Variants in UNKL observed in about 807,000 individuals in gnomAD.
UNKL encodes the protein putative E3 ubiquitin-protein ligase UNKL.
In UNKL, 60 loss-of-function variants were observed where a neutral mutation model predicts 78.0. The ratio of observed to expected loss-of-function variants is 0.77; its 90% CI spans 0.63 to 0.95. UNKL has a LOEUF of 0.95. UNKL is among the 40% of genes least tolerant of loss of function. UNKL has a pLI of 0.00. For missense variants in UNKL, 1,159 were observed against 1,045.7 expected, an observed-to-expected ratio of 1.11 and a Z score of -1.49; for synonymous variants, 608 against 474.8, an observed-to-expected ratio of 1.28 and a Z score of -3.65.
chr16:1,397,175 T>C lies in UNKL; in HGVS notation c.852+3A>G, dbSNP rs2037303153. 2.6e-6 allele frequency: 4 copies of C among 1,547,262 alleles called. No homozygotes were observed. The highest frequency in any genetic ancestry group is 2.7e-5 in the African/African-American group (2 of 73,032). ...CTACGCCTGGGGGGTTGGAGGGACG[T>C]ACCTCGGGATGGAACTGCTGCTCCG... On this transcript the variant is annotated splice_donor_region_variant and intron_variant, in intron 6 of 14. Coordinates refer to ENST00000389221, the MANE Select transcript of UNKL (RefSeq NM_001372107.1).
In UNKL at chr16:1,367,822, A is replaced by G. The variant is rs574018450; in HGVS notation, c.1622T>C (p.Val541Ala). 12 of 1,575,138 alleles carry G rather than the reference A, an allele frequency of 7.6e-6. No individual in the cohort carries two copies. The highest frequency in any genetic ancestry group is 5.5e-5 in the Admixed American group (3 of 54,426). Residue 541 changes from valine to alanine, a missense_variant, in exon 13 of 15, where the codon GTT (valine) becomes GCT (alanine). Val to Ala is a moderately conservative substitution (Grantham distance 64). Coordinates refer to ENST00000389221, the MANE Select transcript of UNKL (RefSeq NM_001372107.1). ...GGGGCTGGGGGAGAAGCTGCCGGAA[A>G]CAAAGTCCCAGATGCTCCCGGGGAC... ...NGVPGSIWDF[V>A]SGSFSPSPSP... is the part of the protein sequence containing the mutation.
intron 10 of UNKL, among the ~76,000 whole-genome samples, chr16:1,381,530 G>A (rs1253668626): frequency 6.6e-6 from 1 of 152,190 alleles, no homozygotes; most frequent in Non-Finnish European, 1.5e-5. Context: ...TGAGGAGGGA[G>A]AATCGCTTGA....
At chr16:1,414,374 G>A (rs866478286) in intron 1 of UNKL, among the ~76,000 whole-genome samples, 7 of 152,088 alleles carry the variant, frequency 4.6e-5, no homozygotes, top group Non-Finnish European at 5.9e-5. Flanking sequence ...CCCCAACCCC[G>A]GGGCGTTCCT....
Position 1,367,180 on chromosome 16 carries a change from C to T in UNKL, c.1958G>A (p.Arg653Gln), listed in dbSNP as rs35080336. Residue 653 changes from arginine (R) to glutamine (Q), a missense_variant, in exon 14 of 15, where the codon CGG (arginine) becomes CAG (glutamine). By Grantham distance (43) the Arg-to-Gln change is conservative. Transcript: ENST00000389221. ...AATGGTGCCGATGTCCCCACAGCCC[C>T]GCAGCCCCGGCAGTGTGGAGGCTAC... is the stretch of plus-strand genomic sequence containing the variant. ...LGVASTLPGL[R>Q]GCGDIGTIPL... 87 of 1,605,840 alleles carry T rather than the reference C, an allele frequency of 5.4e-5. No individual in the cohort carries two copies. The highest frequency in any genetic ancestry group is 6.8e-5 in the Non-Finnish European group (80 of 1,178,140).
rs1426140147 is a variant in UNKL, at chr16:1,414,649, A to G, written c.43T>C (p.Ser15Pro). 1.8e-6 allele frequency: 2 copies of G among 1,134,318 alleles called. No homozygotes were observed. The highest frequency in any genetic ancestry group is 2.4e-5 in the South Asian group (1 of 42,058). 70.3% of individuals were successfully genotyped at this position (1,134,318 alleles called of 1,614,324 possible). ...GTCGGCTTCTCAGTCTGCGGGGGGGACCCGCTCAGCGCCGCTGCCGCCGCT... is the reference window on the plus strand; with the variant it reads ...GTCGGCTTCTCAGTCTGCGGGGGGGGCCCGCTCAGCGCCGCTGCCGCCGCT... ...SKAAAAALSG[S>P]PPQTEKPTHY... Residue 15 changes from serine (S) to proline (P), a missense_variant, in exon 1 of 15, where the codon TCC (serine) becomes CCC (proline). Ser to Pro is a moderately conservative substitution (Grantham distance 74). Transcript: ENST00000389221.
rs112578064 is a variant in UNKL, at chr16:1,367,772, G to T, written c.1672C>A (p.Pro558Thr). 1 of 1,573,408 alleles carries T rather than the reference G, an allele frequency of 6.4e-7. No homozygotes were observed. ...SPSPILSAGP[P>T]SSSSASPNGA... is the part of the protein sequence containing the mutation. ...TTTGGACTTGCACTCGAAGAGGATG[G>T]GGGGCCGGCACTCAGGATGGGGGAG... The change falls in exon 13 of 15, where the codon CCA becomes ACA. Residue 558 changes from proline to threonine, a missense_variant. By Grantham distance (38) the Pro-to-Thr change is conservative (BLOSUM62 -1). Coordinates refer to ENST00000389221, the MANE Select transcript of UNKL (RefSeq NM_001372107.1).
rs754614015 is a variant in UNKL at position 1,367,842 on chromosome 16, G to A, written c.1602C>T (p.Pro534=). Reference sequence around the variant, plus strand: ...CGGAAACAAAGTCCCAGATGCTCCCGGGGACACCGTTCAAACCTGAGTGTG... The same window carrying A: ...CGGAAACAAAGTCCCAGATGCTCCCAGGGACACCGTTCAAACCTGAGTGTG... ...SYSPLGLNGV[P]GSIWDFVSGS... The change falls in exon 13 of 15, where the codon CCC becomes CCT. Residue 534 remains proline (P), a synonymous_variant. Transcript: ENST00000389221. The A allele has an allele frequency of 1.2e-5, 19 of 1,570,928 alleles. No individual in the cohort carries two copies. In the Admixed American group the frequency reaches 1.7e-4, roughly 14 times the overall value.
intron 10 of UNKL, among the ~76,000 whole-genome samples, chr16:1,372,114 A>T (rs2035901587): frequency 6.6e-6 from 1 of 151,188 alleles, no homozygotes; most frequent in Admixed American, 6.6e-5. Context: ...AATACAAAAA[A>T]TTAGCCAGGC....
chr16:1,378,590 C>A (rs1215937530), intron 10 of UNKL, among the ~76,000 whole-genome samples: 1 of 152,228 alleles, frequency 6.6e-6, no homozygotes, highest in Non-Finnish European at 1.5e-5. Flanking sequence ...GGCTAAGCTG[C>A]CTTCAATGCT....
chr16:1,410,071 C>G (rs575045171), intron 2 of UNKL, among the ~76,000 whole-genome samples: 1 of 151,940 alleles, frequency 6.6e-6, no homozygotes, highest in African/African-American at 2.4e-5. Flanking sequence ...AAAGCGAGAG[C>G]GAGACTCCAT....
At chr16:1,374,906 G>C (rs773891460) in intron 10 of UNKL, among the ~76,000 whole-genome samples, 1 of 152,256 alleles carries the variant, frequency 6.6e-6, no homozygotes, top group African/African-American at 2.4e-5. Flanking sequence ...GGAAAGGCAG[G>C]AGGGTGACTT....
chr16:1,389,208 T>TCC (rs113359972), intron 9 of UNKL, among the ~76,000 whole-genome samples: 2 of 152,018 alleles, frequency 1.3e-5, no homozygotes, highest in South Asian at 2.1e-4. Context: ...ACCAAACGTG[T>TCC]CCCCCCCAAA....
At chr16:1,398,898 T>C (rs1341803890) in intron 5 of UNKL, 2 of 1,571,940 alleles carry the variant, frequency 1.3e-6, no homozygotes, top group Non-Finnish European at 1.7e-6. Context: ...CTTGGGTTGT[T>C]GGCCCTGGGA....
intron 13 of UNKL, 36 bp from the exon 14 acceptor site, chr16:1,367,385 C>A: frequency 6.6e-7 from 1 of 1,509,736 alleles, no homozygotes; most frequent in Non-Finnish European, 8.8e-7. Context: ...CCCCCCACCT[C>A]ACCTGTGCCA....
intron 2 of UNKL, among the ~76,000 whole-genome samples, chr16:1,411,140 C>T (rs955385630): frequency 2.6e-5 from 4 of 151,978 alleles, no homozygotes; most frequent in Non-Finnish European, 5.9e-5. Context: ...CTCTTGGGTC[C>T]AGGAGTTTGA....
intron 10 of UNKL, among the ~76,000 whole-genome samples, chr16:1,372,423 C>T (rs2035933972): frequency 6.6e-6 from 1 of 152,176 alleles, no homozygotes; most frequent in African/African-American, 2.4e-5. Context: ...ACCCAGCCAG[C>T]CCTGCCTTCC....
At chr16:1,411,224 G>A (rs2038024570) in intron 2 of UNKL, among the ~76,000 whole-genome samples, 1 of 152,132 alleles carries the variant, frequency 6.6e-6, no homozygotes. Context: ...GCCAGGCGTG[G>A]TGTAGAGAGT....
chr16:1,387,808 G>A lies in UNKL; in HGVS notation c.1087-2423C>T, dbSNP rs1333349226. Among the ~76,000 whole-genome samples, 13 of 70,778 alleles carry A rather than the reference G, an allele frequency of 1.8e-4. No homozygotes were observed. The East Asian group carries it at 2.4e-3, about 13-fold the overall frequency. 46.4% of individuals were successfully genotyped at this position (70,778 alleles called of 152,430 possible). A position where few individuals can be genotyped will look rare whatever the true frequency, so the allele number is the denominator to read the frequency against. On this transcript the variant is annotated intron_variant, in intron 9 of 14. Transcript: ENST00000389221. This position sits in a 1 kb window ranked among gnomAD's most constrained non-coding sequence, Gnocchi z 4.1. ...CCTGCGGAAGCCCTCCCCCACCCCC[G>A]CCTCATCCCATCTCTTGGCAGCCCA...
At position 1,366,187 on chromosome 16, in the gene UNKL, G is replaced by C. The variant is rs2141897731; in HGVS notation, c.*53C>G. 6.9e-7 allele frequency: 1 copy of C among 1,442,792 alleles called. No homozygotes were observed. The highest frequency in any genetic ancestry group is 1.4e-5 in the African/African-American group (1 of 70,578). 89.4% of individuals were successfully genotyped at this position (1,442,792 alleles called of 1,614,324 possible). A position where few individuals can be genotyped will look rare whatever the true frequency, so the allele number is the denominator to read the frequency against. On this transcript the variant is annotated 3_prime_UTR_variant, in exon 15 of 15. Coordinates refer to ENST00000389221, the MANE Select transcript of UNKL (RefSeq NM_001372107.1). ...GCGAGTGACGACATGTCCGTGGTCA[G>C]GAGGAGCGCTGGAGCCAGGGTGCCC...
Sources: gnomAD v4.1 joint callset for allele counts (sites outside exome capture counted in the v4.1 genomes callset) on GRCh38, gnomAD v4.1.1 for gene constraint, Gnocchi (gnomAD v3.1) non-coding constraint, MANE v1.5 for transcripts, NCBI Gene and HGNC (gene_info 2026-07-23, HGNC 2026-07-21) for gene names.